Variants in KCND2 observed in about 807,000 individuals in gnomAD.
The protein encoded by KCND2 is A-type voltage-gated potassium channel KCND2.
In KCND2, 16 loss-of-function variants were observed where a neutral mutation model predicts 54.4. The observed-to-expected ratio is 0.29, with a 90% CI of 0.20 to 0.45. The LOEUF is 0.45. Ranked by LOEUF, KCND2 falls within the 20% of genes least tolerant of loss-of-function variation. The pLI is 1.00. For synonymous variants in KCND2, 317 were observed against 310.7 expected, an observed-to-expected ratio of 1.02 and a Z score of -0.21; for missense variants, 486 against 824.2, an observed-to-expected ratio of 0.59 and a Z score of 5.02.
chr7:120,639,945 G>A (rs1248607311), intron 1 of KCND2, among the ~76,000 whole-genome samples: 1 of 151,948 alleles, frequency 6.6e-6, no homozygotes, highest in Non-Finnish European at 1.5e-5. Flanking sequence ...AAAATAGGAG[G>A]AAAGGAAAAA....
intron 1 of KCND2, among the ~76,000 whole-genome samples, chr7:120,535,260 C>A (rs1443562955): frequency 6.6e-6 from 1 of 152,052 alleles, no homozygotes; most frequent in African/African-American, 2.4e-5. Flanking sequence ...AGCTTCAGAA[C>A]GTAAGTTTAT....
At chr7:120,741,413 T>G in intron 2 of KCND2, 121 bp from the exon 3 acceptor site, 1 of 724,636 alleles carries the variant, frequency 1.4e-6, no homozygotes, top group Non-Finnish European at 2.5e-6. Context: ...TAGTTGCATT[T>G]GAAAAGCTGG....
intron 1 of KCND2, among the ~76,000 whole-genome samples, chr7:120,369,131 G>T (rs1034146873): frequency 1.3e-5 from 2 of 151,628 alleles, no homozygotes; most frequent in African/African-American, 4.8e-5. Flanking sequence ...GGTGGGTTGA[G>T]ATTTTTTTTT....
At chr7:120,408,136 T>C (rs948257174) in intron 1 of KCND2, among the ~76,000 whole-genome samples, 4 of 151,892 alleles carry the variant, frequency 2.6e-5, no homozygotes, top group African/African-American at 7.2e-5. Flanking sequence ...CCCATGATGA[T>C]TGAAGGGATG....
At chr7:120,484,315 C>G (rs1257186304) in intron 1 of KCND2, among the ~76,000 whole-genome samples, 3 of 151,848 alleles carry the variant, frequency 2.0e-5, no homozygotes. Context: ...GACACTGTTC[C>G]CAGCTAATTT....
At chr7:120,436,260 C>T (rs1384567036) in intron 1 of KCND2, among the ~76,000 whole-genome samples, 5 of 151,896 alleles carry the variant, frequency 3.3e-5, no homozygotes, top group Admixed American at 1.3e-4. Flanking sequence ...CAAATATTTT[C>T]GTAATGGACT....
chr7:120,483,460 A>AAACAAT (rs1802635884), intron 1 of KCND2, among the ~76,000 whole-genome samples: 1 of 152,206 alleles, frequency 6.6e-6, no homozygotes, highest in Admixed American at 6.5e-5. Context: ...GTGATAGGTA[A>AAACAAT]AACAATAGAA....
At chr7:120,294,515 T>C (rs922009819) in intron 1 of KCND2, among the ~76,000 whole-genome samples, 11 of 151,864 alleles carry the variant, frequency 7.2e-5, no homozygotes, top group Non-Finnish European at 2.9e-5. Flanking sequence ...ATTAATGCCG[T>C]ATAATATAAA....
chr7:120,365,993 G>T (rs1277100331), intron 1 of KCND2, among the ~76,000 whole-genome samples: 1 of 151,962 alleles, frequency 6.6e-6, no homozygotes, highest in African/African-American at 2.4e-5. Flanking sequence ...ACTTTGAGGG[G>T]GTGGATAACT....
chr7:120,351,249 T>TATATATAC (rs1800397291), intron 1 of KCND2, among the ~76,000 whole-genome samples: 1 of 146,350 alleles, frequency 6.8e-6, no homozygotes, highest in Admixed American at 6.9e-5. Context: ...TGTGTGTATA[T>TATATATAC]ATATATATAT....
chr7:120,668,147 C>T (rs1329736286), intron 1 of KCND2, among the ~76,000 whole-genome samples: 4 of 151,916 alleles, frequency 2.6e-5, no homozygotes, highest in African/African-American at 7.2e-5. Flanking sequence ...GACAAGGTTG[C>T]GCATTTCACC....
intron 1 of KCND2, among the ~76,000 whole-genome samples, chr7:120,415,008 C>A (rs1157255963): frequency 6.6e-6 from 1 of 152,126 alleles, no homozygotes; most frequent in Non-Finnish European, 1.5e-5. Flanking sequence ...AAATCATCAA[C>A]CCCCAATGAA....
chr7:120,680,753 G>T (rs1389809284), intron 1 of KCND2, among the ~76,000 whole-genome samples: 1 of 152,038 alleles, frequency 6.6e-6, no homozygotes, highest in Non-Finnish European at 1.5e-5. Flanking sequence ...TTTATCCACT[G>T]CCATAAAAAT....
chr7:120,414,437 A>G (rs1213377716), intron 1 of KCND2, among the ~76,000 whole-genome samples: 1 of 152,128 alleles, frequency 6.6e-6, no homozygotes, highest in Non-Finnish European at 1.5e-5. Context: ...TATTGATTAT[A>G]CGTATTTCAG....
At chr7:120,562,588 C>T (rs1215855183) in intron 1 of KCND2, among the ~76,000 whole-genome samples, 1 of 152,038 alleles carries the variant, frequency 6.6e-6, no homozygotes, top group Non-Finnish European at 1.5e-5. Context: ...ATAATCACAT[C>T]TTCATGTTTG....
chr7:120,505,953 A>G (rs994455687), intron 1 of KCND2, among the ~76,000 whole-genome samples: 1 of 151,580 alleles, frequency 6.6e-6, no homozygotes, highest in Admixed American at 6.6e-5. Context: ...AAATACATTT[A>G]TTATTTAATT....
At chr7:120,297,240 C>G (rs1388221787) in intron 1 of KCND2, among the ~76,000 whole-genome samples, 1 of 152,036 alleles carries the variant, frequency 6.6e-6, no homozygotes, top group Non-Finnish European at 1.5e-5. Flanking sequence ...TCTCTAATGT[C>G]TATCATGCCA....
chr7:120,350,700 T>C (rs1346468384), intron 1 of KCND2, among the ~76,000 whole-genome samples: 1 of 152,214 alleles, frequency 6.6e-6, no homozygotes. Context: ...AGCACATCTA[T>C]GTTATTTCTA....
At chr7:120,337,257 A>T (rs1031694476) in intron 1 of KCND2, among the ~76,000 whole-genome samples, 3 of 152,170 alleles carry the variant, frequency 2.0e-5, no homozygotes, top group African/African-American at 4.8e-5. Flanking sequence ...GCAAATAGGT[A>T]ATTTAACACA....
Sources: allele counts gnomAD v4.1 joint callset (sites outside exome capture counted in the v4.1 genomes callset), GRCh38; gene constraint gnomAD v4.1.1; transcripts MANE v1.5; gene names NCBI Gene and HGNC (gene_info 2026-07-23, HGNC 2026-07-21).